Variants in ANKS1B observed in about 807,000 individuals in gnomAD.
ANKS1B encodes the protein ankyrin repeat and sterile alpha motif domain containing 1B, also known as ankyrin repeat and sterile alpha motif domain-containing protein 1B.
A neutral mutation model predicts 148.3 loss-of-function variants in ANKS1B; 36 were observed. That is an observed-to-expected ratio of 0.24 (90% CI 0.19 to 0.32). ANKS1B has a LOEUF of 0.32. Ranked by LOEUF, ANKS1B falls within the 10% of genes least tolerant of loss-of-function variation. The probability of loss-of-function intolerance (pLI) is 1.00; values close to 1 mark genes in which losing one functional copy is unlikely to be tolerated. For missense variants in ANKS1B, 1,157 were observed against 1,542.6 expected, an observed-to-expected ratio of 0.75 and a Z score of 4.19; for synonymous variants, 542 against 560.8, an observed-to-expected ratio of 0.97 and a Z score of 0.47.
chr12:99,797,213 G>A (rs7958941), intron 4 of ANKS1B, among the ~76,000 whole-genome samples: 74,547 of 151,448 alleles, frequency 0.49, 18,631 homozygotes, highest in East Asian at 0.56. Flanking sequence ...AGAATATTTT[G>A]CCAAGGTGTA....
intron 17 of ANKS1B, among the ~76,000 whole-genome samples, chr12:98,852,978 C>T (rs140024842): frequency 3.9e-5 from 6 of 152,136 alleles, no homozygotes; most frequent in South Asian, 2.1e-4. Flanking sequence ...AAATATAAAG[C>T]GTTCTATAAA....
chr12:98,872,266 T>C (rs113283624), intron 17 of ANKS1B, among the ~76,000 whole-genome samples: 4,304 of 152,268 alleles, frequency 0.028, 212 homozygotes, highest in African/African-American at 0.099. Flanking sequence ...TGGCTGGGCA[T>C]GGTAGCTCAC....
intron 12 of ANKS1B, among the ~76,000 whole-genome samples, chr12:99,301,666 A>G (rs996872935): frequency 1.3e-5 from 2 of 152,210 alleles, no homozygotes; most frequent in East Asian, 1.9e-4. Context: ...GAGTGAGCCA[A>G]TAGACTTGGT....
At chr12:98,985,162 G>T (rs1379261521) in intron 17 of ANKS1B, among the ~76,000 whole-genome samples, 1 of 152,060 alleles carries the variant, frequency 6.6e-6, no homozygotes. Context: ...GCCCAGGTTG[G>T]AATGCAGTGG....
intron 1 of ANKS1B, among the ~76,000 whole-genome samples, chr12:99,921,229 C>T (rs1044045117): frequency 6.6e-6 from 1 of 152,116 alleles, no homozygotes; most frequent in Non-Finnish European, 1.5e-5. Context: ...TTCCCCCATG[C>T]TGTTCTCATG....
chr12:99,397,169 A>G (rs942481549), intron 12 of ANKS1B, among the ~76,000 whole-genome samples: 2 of 152,154 alleles, frequency 1.3e-5, no homozygotes, highest in Non-Finnish European at 2.9e-5. Context: ...TATCATTGTT[A>G]TTGCTACTAC....
At chr12:99,799,073 A>G (rs1056588960) in intron 4 of ANKS1B, among the ~76,000 whole-genome samples, 1 of 152,088 alleles carries the variant, frequency 6.6e-6, no homozygotes, top group Non-Finnish European at 1.5e-5. Flanking sequence ...TCCACGCTTT[A>G]TGAAAAGTCA....
chr12:98,793,954 A>G (rs1034738396), intron 22 of ANKS1B, among the ~76,000 whole-genome samples: 16 of 152,206 alleles, frequency 1.1e-4, no homozygotes, highest in Non-Finnish European at 4.4e-5. Context: ...CAAATCCTTC[A>G]CTTCACCAAA....
At chr12:99,349,842 T>C (rs1197392780) in intron 12 of ANKS1B, among the ~76,000 whole-genome samples, 2 of 151,892 alleles carry the variant, frequency 1.3e-5, no homozygotes, top group Non-Finnish European at 2.9e-5. Context: ...AATAGAGAAA[T>C]ACAGAACATT....
At chr12:99,763,554 T>G (rs1030039493) in intron 8 of ANKS1B, among the ~76,000 whole-genome samples, 1 of 152,042 alleles carries the variant, frequency 6.6e-6, no homozygotes, top group Non-Finnish European at 1.5e-5. Context: ...TATTGGGTAC[T>G]ATGCTCATTA....
intron 4 of ANKS1B, among the ~76,000 whole-genome samples, chr12:99,788,765 G>C (rs1293470329): frequency 6.6e-6 from 1 of 152,208 alleles, no homozygotes; most frequent in Admixed American, 6.5e-5. Flanking sequence ...GGCCTGGCAG[G>C]ACTCACCATA....
chr12:98,866,608 A>T (rs541485832), intron 17 of ANKS1B, among the ~76,000 whole-genome samples: 52 of 152,206 alleles, frequency 3.4e-4, no homozygotes, highest in South Asian at 6.2e-4. Context: ...CTCTAAATGC[A>T]CCAAGTTCCC....
chr12:98,779,740 T>C (rs1198497861), intron 24 of ANKS1B, among the ~76,000 whole-genome samples: 3 of 152,212 alleles, frequency 2.0e-5, no homozygotes, highest in African/African-American at 7.2e-5. Context: ...AAAGTAATTT[T>C]ATATACCAGG....
chr12:98,909,890 A>G (rs1471718301), intron 17 of ANKS1B, among the ~76,000 whole-genome samples: 3 of 152,206 alleles, frequency 2.0e-5, no homozygotes, highest in East Asian at 3.8e-4. Flanking sequence ...TTCAGCAAGT[A>G]CCAGCTTTCT....
At chr12:99,612,557 G>T (rs1017702979) in intron 9 of ANKS1B, among the ~76,000 whole-genome samples, 1 of 152,004 alleles carries the variant, frequency 6.6e-6, no homozygotes, top group African/African-American at 2.4e-5. Flanking sequence ...TCCAAAATCC[G>T]CAATGTCTGA....
chr12:98,769,126 G>T (rs2098531152), intron 25 of ANKS1B, among the ~76,000 whole-genome samples: 1 of 143,188 alleles, frequency 7.0e-6, no homozygotes, highest in South Asian at 2.2e-4. Flanking sequence ...TTAGCTAAAA[G>T]GTTAAATGTG....
chr12:99,478,153 A>T (rs1022199945), intron 10 of ANKS1B, among the ~76,000 whole-genome samples: 1 of 152,168 alleles, frequency 6.6e-6, no homozygotes, highest in African/African-American at 2.4e-5. Context: ...AAAGGTTTAC[A>T]CTCAGAGGCA....
intron 17 of ANKS1B, among the ~76,000 whole-genome samples, chr12:98,852,365 A>G (rs570986278): frequency 3.9e-5 from 6 of 152,220 alleles, no homozygotes; most frequent in African/African-American, 7.2e-5. Context: ...TGTAGGCGTT[A>G]AAGGAGAGGG....
chr12:99,553,058 TGTC>T (rs1264721290), intron 9 of ANKS1B, among the ~76,000 whole-genome samples: 1 of 152,192 alleles, frequency 6.6e-6, no homozygotes. Context: ...TGTAAACATT[TGTC>T]ATCATTTAAA....
Sources: allele counts gnomAD v4.1 joint callset (sites outside exome capture counted in the v4.1 genomes callset), GRCh38; gene constraint gnomAD v4.1.1; transcripts MANE v1.5; gene names NCBI Gene and HGNC (gene_info 2026-07-23, HGNC 2026-07-21).